STK33: variants seen among roughly 807,000 people sequenced by gnomAD.
The protein encoded by STK33 is serine/threonine-protein kinase 33.
In STK33, 52 loss-of-function variants were observed where a neutral mutation model predicts 58.0. The ratio of observed to expected loss-of-function variants is 0.90; its 90% CI spans 0.72 to 1.13. The LOEUF (loss-of-function observed/expected upper bound fraction) is 1.13. Among genes scored for constraint, STK33 ranks in the 50% most tolerant of loss-of-function variants. The probability of loss-of-function intolerance (pLI) is 0.00; values close to 1 mark genes in which losing one functional copy is unlikely to be tolerated. For synonymous variants in STK33, 215 were observed against 200.1 expected, an observed-to-expected ratio of 1.07 and a Z score of -0.63; for missense variants, 630 against 604.2, an observed-to-expected ratio of 1.04 and a Z score of -0.45.
In STK33 at chr11:8,457,395, T is replaced by C; in HGVS notation, c.643A>G (p.Thr215Ala). The C allele has an allele frequency of 6.2e-7, 1 of 1,608,506 alleles. No homozygotes were observed. The highest frequency in any genetic ancestry group is 8.5e-7 in the Non-Finnish European group (1 of 1,176,178). The change falls in exon 9 of 16, where the codon ACA (threonine) becomes GCA (alanine). Residue 215 changes from threonine (T) to alanine (A), a missense_variant. Transcript: ENST00000687296. ...GCGAGACTTTGAATGATCCACCTTG[T>C]CTCATTCTCTGAGAAATGCCCTTTC... ...DRKGHFSENE[T>A]RWIIQSLASA...
At chr11:8,433,656 TC>T (rs1478930233) in intron 14 of STK33, among the ~76,000 whole-genome samples, 1 of 152,182 alleles carries the variant, frequency 6.6e-6, no homozygotes, top group Non-Finnish European at 1.5e-5. Flanking sequence ...CCTACAGTCT[TC>T]CATATCTCAG....
At chr11:8,392,781 T>G in intron 15 of STK33, 71 bp from the exon 16 acceptor site, 1 of 1,514,984 alleles carries the variant, frequency 6.6e-7, no homozygotes, top group African/African-American at 1.4e-5. Flanking sequence ...TGCAAGGAAC[T>G]ACAAAGTTGT....
intron 1 of STK33, among the ~76,000 whole-genome samples, chr11:8,495,545 C>T (rs191811787): frequency 9.1e-4 from 139 of 152,292 alleles, no homozygotes; most frequent in African/African-American, 3.2e-3. Flanking sequence ...TGTGGTGATT[C>T]CTCAAGGATC....
Position 8,515,845 on chromosome 11 carries a change from C to T in STK33, c.-465-35231G>A, listed in dbSNP as rs993501615. ...CAGGAATAGAAGAAAACAATCCCAA[C>T]GTAATAAAGACCATATATGAAAAGC... On this transcript the variant is annotated intron_variant, in intron 1 of 15. Transcript: ENST00000687296. 1.1e-4 allele frequency among the ~76,000 whole-genome samples: 16 copies of T among 152,048 alleles called. 1 individual carries two copies. Among genetic ancestry groups the T allele is most frequent in the Admixed American group, 7.9e-4 (12 of 15,256 alleles).
At chr11:8,365,760 G>A in the STK33 span, among the ~76,000 whole-genome samples, 12 of 152,092 alleles carry the variant, frequency 7.9e-5, no homozygotes, top group South Asian at 4.2e-4. Context: ...AAGGGAACCC[G>A]AAGCCTCTAG....
In STK33 at chr11:8,463,293, C is replaced by T. The variant is rs1033551847; in HGVS notation, c.454-1384G>A. ...AACTGTTCTACCTCAGATCATCAGG[C>T]ATTAGTTGGATTCTCATAAGGAGCA... On this transcript the variant is annotated intron_variant, in intron 7 of 15. Coordinates refer to ENST00000687296, the MANE Select transcript of STK33 (RefSeq NM_001352389.2). Among the ~76,000 whole-genome samples the T allele has an allele frequency of 5.9e-5, 9 of 152,168 alleles. No individual in the cohort carries two copies. In the East Asian group the frequency reaches 1.7e-3, roughly 29 times the overall value.
intron 14 of STK33, among the ~76,000 whole-genome samples, chr11:8,418,722 T>C (rs921391274): frequency 1.3e-5 from 2 of 152,200 alleles, no homozygotes; most frequent in African/African-American, 4.8e-5. Flanking sequence ...AGTGTGTAAG[T>C]GTTCCCTTTT....
chr11:8,373,412 T>C, the STK33 span, among the ~76,000 whole-genome samples: 1 of 152,098 alleles, frequency 6.6e-6, no homozygotes, highest in African/African-American at 2.4e-5. Flanking sequence ...CGTCAGCCTC[T>C]ACCCCTACCA....
downstream of STK33, among the ~76,000 whole-genome samples, chr11:8,390,904 G>T (rs1848611847): frequency 6.6e-6 from 1 of 152,200 alleles, no homozygotes; most frequent in South Asian, 2.1e-4. Context: ...CACTGTGAAA[G>T]TAAGAGTATT....
At chr11:8,435,133 G>C (rs1943910207) in intron 14 of STK33, among the ~76,000 whole-genome samples, 1 of 152,196 alleles carries the variant, frequency 6.6e-6, no homozygotes, top group African/African-American at 2.4e-5. Context: ...TACACCCCAA[G>C]AGTTGAAAGA....
At chr11:8,553,198 G>C (rs1032580461) in intron 1 of STK33, among the ~76,000 whole-genome samples, 1 of 54,984 alleles carries the variant, frequency 1.8e-5, no homozygotes, top group Non-Finnish European at 3.1e-5. Context: ...ATATATATAT[G>C]GTGTATATAT....
At chr11:8,454,214 C>A (rs1380950677) in intron 10 of STK33, among the ~76,000 whole-genome samples, 1 of 152,162 alleles carries the variant, frequency 6.6e-6, no homozygotes, top group African/African-American at 2.4e-5. Flanking sequence ...TGAAAGCAGC[C>A]ACTATAATGG....
chr11:8,554,551 T>C (rs1361879865), intron 1 of STK33, among the ~76,000 whole-genome samples: 2 of 151,872 alleles, frequency 1.3e-5, no homozygotes, highest in Non-Finnish European at 2.9e-5. Flanking sequence ...AAAAATACTA[T>C]GAGATGATAT....
rs56064924 is a variant in STK33, at chr11:8,586,822, TAAAAAAAAAA to T, written c.-466+7251_-466+7260del. ...CTGGGTGACAGAGCAAGACTCTGTC[TAAAAAAAAAA>T]AAAAAAAAAAAAAAAAAATTATTAG... is the stretch of plus-strand genomic sequence containing the variant. On this transcript the variant is annotated intron_variant, in intron 1 of 15. Coordinates refer to ENST00000687296, the MANE Select transcript of STK33 (RefSeq NM_001352389.2). 2.6e-4 allele frequency among the ~76,000 whole-genome samples: 20 copies of T among 78,238 alleles called. No individual in the cohort carries two copies. The East Asian group carries it at 7.5e-3, about 29-fold the overall frequency. 51.3% of individuals were successfully genotyped at this position (78,238 alleles called of 152,430 possible).
the STK33 span, among the ~76,000 whole-genome samples, chr11:8,364,093 C>T: frequency 4.6e-5 from 7 of 152,094 alleles, no homozygotes; most frequent in Admixed American, 1.3e-4. Context: ...AGTGTTTTTG[C>T]GAGCGTCACT....
the STK33 span, among the ~76,000 whole-genome samples, chr11:8,335,215 C>T: frequency 4.6e-5 from 7 of 152,330 alleles, no homozygotes; most frequent in Non-Finnish European, 1.0e-4. Context: ...CTGGGCCCCT[C>T]CTGATCGCTA....
intron 1 of STK33, among the ~76,000 whole-genome samples, chr11:8,552,968 C>T (rs763609030): frequency 6.6e-6 from 1 of 150,510 alleles, no homozygotes; most frequent in African/African-American, 2.4e-5. Context: ...CTGGGCCATA[C>T]AGTGAGACCT....
Position 8,394,321 on chromosome 11 carries a change from T to C in STK33, c.1345-1611A>G, listed in dbSNP as rs1297213758. On this transcript the variant is annotated intron_variant, in intron 15 of 15. Transcript: ENST00000687296. ...AAGATATACACCCTATCTTTAAAAT[T>C]TCAATTCATAAAATTTAATTACCTT... Among the ~76,000 whole-genome samples the C allele has an allele frequency of 5.3e-5, 8 of 152,176 alleles. 1 individual carries two copies. In the East Asian group the frequency reaches 1.5e-3, roughly 29 times the overall value.
the STK33 span, among the ~76,000 whole-genome samples, chr11:8,343,995 C>T: frequency 5.3e-5 from 8 of 152,332 alleles, no homozygotes; most frequent in East Asian, 1.4e-3. Context: ...GTCCACGGCT[C>T]CTTCTTCCAG....
Sources: gnomAD v4.1 joint callset for allele counts (sites outside exome capture counted in the v4.1 genomes callset) on GRCh38, gnomAD v4.1.1 for gene constraint, MANE v1.5 for transcripts, NCBI Gene and HGNC (gene_info 2026-07-23, HGNC 2026-07-21) for gene names.